The following SCHIP1 variants were observed in gnomAD, a reference collection of about 807,000 sequenced individuals.
The protein encoded by SCHIP1 is schwannomin interacting protein 1.
Under a neutral mutation model 29.7 loss-of-function variants are expected in SCHIP1, and 8 were observed. That is an observed-to-expected ratio of 0.27 (90% CI 0.16 to 0.49). The LOEUF (loss-of-function observed/expected upper bound fraction) is 0.49. Among genes scored for constraint, SCHIP1 ranks in the 20% least tolerant of loss-of-function variants. The pLI, the probability that SCHIP1 is intolerant of heterozygous loss-of-function variation, is 0.99. For synonymous variants in SCHIP1, 76 were observed against 94.9 expected, an observed-to-expected ratio of 0.80 and a Z score of 1.16; for missense variants, 193 against 294.6, an observed-to-expected ratio of 0.66 and a Z score of 2.52.
intron 1 of SCHIP1, among the ~76,000 whole-genome samples, chr3:159,847,306 C>T (rs1711974808): frequency 6.6e-6 from 1 of 152,084 alleles, no homozygotes; most frequent in South Asian, 2.1e-4. Context: ...CATACAGAAG[C>T]CCAACATTAA....
At chr3:159,505,602 C>T in the SCHIP1 span, among the ~76,000 whole-genome samples, 5 of 152,298 alleles carry the variant, frequency 3.3e-5, no homozygotes, top group African/African-American at 1.2e-4. Context: ...AGGTACATCT[C>T]CTAATGCTAT....
At chr3:159,840,401 C>T (rs1015242211) in intron 1 of SCHIP1, among the ~76,000 whole-genome samples, 56 of 152,198 alleles carry the variant, frequency 3.7e-4, no homozygotes, top group African/African-American at 1.3e-3. Flanking sequence ...GAAAACACTG[C>T]TTCCTTGGCC....
the SCHIP1 span, among the ~76,000 whole-genome samples, chr3:159,565,653 C>T: frequency 1.3e-5 from 2 of 150,072 alleles, no homozygotes; most frequent in African/African-American, 4.9e-5. Context: ...GTTCCATTAA[C>T]ACTAATAGCC....
the SCHIP1 span, chr3:159,764,904 C>T: frequency 6.5e-7 from 1 of 1,543,706 alleles, no homozygotes; most frequent in Non-Finnish European, 8.7e-7. The surrounding 1 kb of genome is among the most constrained non-coding windows in gnomAD (Gnocchi z 6.1). Flanking sequence ...CGAGCTGTTC[C>T]CGGGGCCCCC....
At chr3:159,642,759 G>A in the SCHIP1 span, among the ~76,000 whole-genome samples, 1 of 152,092 alleles carries the variant, frequency 6.6e-6, no homozygotes, top group Non-Finnish European at 1.5e-5. Context: ...AGGAAAAATG[G>A]TGTTTTGAAC....
the SCHIP1 span, among the ~76,000 whole-genome samples, chr3:159,454,904 G>A: frequency 6.6e-6 from 1 of 152,158 alleles, no homozygotes; most frequent in African/African-American, 2.4e-5. Context: ...ATGAAGTCAA[G>A]AACTATGTGG....
At chr3:159,337,902 G>A in the SCHIP1 span, among the ~76,000 whole-genome samples, 43 of 152,310 alleles carry the variant, frequency 2.8e-4, no homozygotes, top group Admixed American at 1.3e-3. Context: ...CCCTGCTACT[G>A]TGTAAATGAG....
the SCHIP1 span, among the ~76,000 whole-genome samples, chr3:159,834,456 G>A: frequency 1.3e-5 from 2 of 152,028 alleles, no homozygotes; most frequent in South Asian, 2.1e-4. Flanking sequence ...CAAACTTCTC[G>A]AGGGCAGAAA....
the SCHIP1 span, among the ~76,000 whole-genome samples, chr3:159,349,479 G>A: frequency 2.6e-5 from 4 of 152,260 alleles, no homozygotes; most frequent in African/African-American, 9.6e-5. Flanking sequence ...TAGAAGAGTG[G>A]TAGCAATGAT....
the SCHIP1 span, among the ~76,000 whole-genome samples, chr3:159,508,722 T>C: frequency 3.9e-5 from 6 of 152,360 alleles, no homozygotes; most frequent in African/African-American, 1.2e-4. Context: ...CATTTTGTTA[T>C]GTACCCAGTA....
chr3:159,530,341 A>G, the SCHIP1 span, among the ~76,000 whole-genome samples: 1 of 152,030 alleles, frequency 6.6e-6, no homozygotes. Context: ...CTGGACCAAT[A>G]TCCTCAAGTT....
the SCHIP1 span, among the ~76,000 whole-genome samples, chr3:159,292,976 A>G: frequency 6.6e-6 from 1 of 152,170 alleles, no homozygotes; most frequent in Non-Finnish European, 1.5e-5. Flanking sequence ...TTGATTGTCA[A>G]TACGGGGCAT....
chr3:159,575,482 C>T, the SCHIP1 span, among the ~76,000 whole-genome samples: 17 of 152,220 alleles, frequency 1.1e-4, no homozygotes, highest in African/African-American at 3.9e-4. Flanking sequence ...GTCACCCAGG[C>T]TGGAGTACAG....
At chr3:159,757,009 C>T in the SCHIP1 span, among the ~76,000 whole-genome samples, 1 of 152,348 alleles carries the variant, frequency 6.6e-6, no homozygotes, top group East Asian at 1.9e-4. Flanking sequence ...AAGTTCCAAA[C>T]TTTTCCACAT....
the SCHIP1 span, among the ~76,000 whole-genome samples, chr3:159,623,946 A>C: frequency 6.6e-6 from 1 of 152,166 alleles, no homozygotes; most frequent in Non-Finnish European, 1.5e-5. Flanking sequence ...CTTCCACCTG[A>C]GTCTAAGCCT....
chr3:159,711,356 G>A, the SCHIP1 span, among the ~76,000 whole-genome samples: 4 of 18,184 alleles, frequency 2.2e-4, no homozygotes, highest in Admixed American at 1.1e-3. Flanking sequence ...GCGAGACTCC[G>A]TCTCAAAAAA....
the SCHIP1 span, among the ~76,000 whole-genome samples, chr3:159,402,308 T>C: frequency 1.3e-5 from 2 of 152,056 alleles, no homozygotes; most frequent in Admixed American, 6.5e-5. Context: ...TGTGGAGAAA[T>C]AGGAACACTT....
the SCHIP1 span, among the ~76,000 whole-genome samples, chr3:159,570,227 G>A: frequency 6.6e-6 from 1 of 152,190 alleles, no homozygotes; most frequent in Non-Finnish European, 1.5e-5. Context: ...CCATGCCTAT[G>A]TCCTGAATGG....
chr3:159,412,496 A>C, the SCHIP1 span, among the ~76,000 whole-genome samples: 1 of 152,200 alleles, frequency 6.6e-6, no homozygotes, highest in Non-Finnish European at 1.5e-5. Context: ...TTGTAATTGT[A>C]ATTGGGTGTA....
Sources: allele counts gnomAD v4.1 joint callset (sites outside exome capture counted in the v4.1 genomes callset), GRCh38; gene constraint gnomAD v4.1.1; non-coding constraint Gnocchi (gnomAD v3.1); transcripts MANE v1.5; gene names NCBI Gene and HGNC (gene_info 2026-07-23, HGNC 2026-07-21).